Variants in MYOF observed in about 807,000 individuals in gnomAD.
MYOF encodes fer-1-like 3, myoferlin.
MYOF carries 244 observed loss-of-function variants against 284.2 expected under a neutral mutation model. The ratio of observed to expected loss-of-function variants is 0.86; its 90% CI spans 0.77 to 0.95. The LOEUF (loss-of-function observed/expected upper bound fraction) is 0.95. MYOF is among the 40% of genes least tolerant of loss of function. MYOF has a pLI of 0.00. For synonymous variants in MYOF, 904 were observed against 919.7 expected, an observed-to-expected ratio of 0.98 and a Z score of 0.31; for missense variants, 2,496 against 2,560.6, an observed-to-expected ratio of 0.97 and a Z score of 0.54.
At position 93,408,913 on chromosome 10, in the gene MYOF, G is replaced by T. The variant is rs773318160; in HGVS notation, c.603C>A (p.Ile201=). 6.2e-7 allele frequency: 1 copy of T among 1,614,184 alleles called. No individual in the cohort carries two copies. Among genetic ancestry groups the T allele is most frequent in the Non-Finnish European group, 8.5e-7 (1 of 1,180,024 alleles). ...MLSNKPQDFQ[I]RVRVIEGRQL... is the part of the protein sequence containing the mutation. ...GTCGGCCCTCAATCACTCGGACGCG[G>T]ATCTGCAGCACAGAAGGGGGATGGT... The change falls in exon 7 of 54, where the codon ATC becomes ATA. Residue 201 remains isoleucine (I), a splice_region_variant and synonymous_variant. Coordinates refer to ENST00000359263, the MANE Select transcript of MYOF (RefSeq NM_013451.4).
intron 50 of MYOF, among the ~76,000 whole-genome samples, chr10:93,315,070 A>C (rs1354882679): frequency 6.6e-6 from 1 of 152,196 alleles, no homozygotes; most frequent in Admixed American, 6.5e-5. Context: ...AGCCAAGGGC[A>C]AACCCTTTAT....
chr10:93,327,005 C>T (rs1370898328), intron 45 of MYOF, among the ~76,000 whole-genome samples: 5 of 152,024 alleles, frequency 3.3e-5, no homozygotes, highest in African/African-American at 4.8e-5. Context: ...GTGTCATTTC[C>T]CTTTGAATCT....
In MYOF at chr10:93,396,134, T is replaced by C; in HGVS notation, c.1417+8A>G. On this transcript the variant is annotated splice_region_variant and intron_variant, in intron 16 of 53. Transcript: ENST00000359263. ...CCAGTCTTGTTCTAGATCTGTTGAG[T>C]GACTTACCTTCCACTTCCCCACCAG... is the stretch of plus-strand genomic sequence containing the variant. The C allele has an allele frequency of 1.3e-6, 2 of 1,599,050 alleles. No individual in the cohort carries two copies. Among genetic ancestry groups the C allele is most frequent in the African/African-American group, 1.3e-5 (1 of 74,504 alleles).
intron 48 of MYOF, among the ~76,000 whole-genome samples, chr10:93,322,190 A>T (rs1286306069): frequency 2.0e-5 from 3 of 152,248 alleles, no homozygotes; most frequent in Admixed American, 6.5e-5. Context: ...ATTGAAGGCC[A>T]CATGGGATTA....
intron 39 of MYOF, 103 bp downstream of exon 39, chr10:93,340,050 A>C (rs1207361642): frequency 3.8e-6 from 5 of 1,307,334 alleles, no homozygotes; most frequent in African/African-American, 1.5e-5. Context: ...ACTGCACTCC[A>C]GCCTGGGTGA....
In MYOF at chr10:93,320,027, G is replaced by A. The variant is rs1454162383; in HGVS notation, c.5457-14C>T. ...CCAGGAATCCAGCTGAAAGGCAGAG[G>A]CAAACAGACTTAGCTTCACGTGATT... On this transcript the variant is annotated splice_polypyrimidine_tract_variant and intron_variant, in intron 48 of 53. Coordinates refer to ENST00000359263, the MANE Select transcript of MYOF (RefSeq NM_013451.4). The A allele has an allele frequency of 6.2e-7, 1 of 1,613,858 alleles. No individual in the cohort carries two copies. Among genetic ancestry groups the A allele is most frequent in the Non-Finnish European group, 8.5e-7 (1 of 1,179,882 alleles).
At chr10:93,377,282 G>T in intron 22 of MYOF, 41 bp downstream of exon 22, 1 of 1,332,262 alleles carries the variant, frequency 7.5e-7, no homozygotes, top group Non-Finnish European at 1.1e-6. Context: ...AGGGAGGAGC[G>T]CCTGGATGAA....
intron 3 of MYOF, 113 bp from the exon 4 acceptor site, chr10:93,431,629 A>T: frequency 1.3e-6 from 1 of 768,384 alleles, no homozygotes; most frequent in Non-Finnish European, 2.1e-6. Context: ...AGTCACTATA[A>T]TGAGATGTGG....
chr10:93,322,957 T>G, intron 48 of MYOF, 121 bp downstream of exon 48: 1 of 962,634 alleles, frequency 1.0e-6, no homozygotes, highest in Non-Finnish European at 1.7e-6. Flanking sequence ...ATCACATTAA[T>G]GAGATAAAAT....
chr10:93,476,001 G>A (rs1008685429), intron 1 of MYOF, among the ~76,000 whole-genome samples: 4 of 152,202 alleles, frequency 2.6e-5, no homozygotes, highest in African/African-American at 9.6e-5. Flanking sequence ...TCTCCAGAAA[G>A]GGATGGGAAT....
intron 1 of MYOF, among the ~76,000 whole-genome samples, chr10:93,476,515 A>T (rs557689428): frequency 6.6e-6 from 1 of 152,138 alleles, no homozygotes; most frequent in African/African-American, 2.4e-5. Context: ...AGCTTATTTT[A>T]AAAATGCTTT....
chr10:93,466,267 G>C (rs1461339219), intron 1 of MYOF, among the ~76,000 whole-genome samples: 1 of 152,166 alleles, frequency 6.6e-6, no homozygotes, highest in East Asian at 1.9e-4. Context: ...CAGGTTCTAG[G>C]AGAAAGGCAT....
At chr10:93,392,501 T>C in intron 17 of MYOF, among the ~76,000 whole-genome samples, 1 of 152,144 alleles carries the variant, frequency 6.6e-6, no homozygotes, top group Non-Finnish European at 1.5e-5. Flanking sequence ...ATCTTCAGGG[T>C]GCAAAGTAAA....
chr10:93,399,029 T>TGGGG lies in MYOF; in HGVS notation c.1221+359_1221+362dup, dbSNP rs67935510. 6.6e-5 allele frequency among the ~76,000 whole-genome samples: 10 copies of TGGGG among 150,772 alleles called. No homozygotes were observed. In the South Asian group the frequency reaches 8.4e-4, roughly 13 times the overall value. ...ATGACAGGAAGGGGCAACAGGGCAC[T>TGGGG]GGGGGGGGGTCTCTGTCCTACAACA... is the stretch of plus-strand genomic sequence containing the variant. On this transcript the variant is annotated intron_variant, in intron 13 of 53. Coordinates refer to ENST00000359263, the MANE Select transcript of MYOF (RefSeq NM_013451.4).
intron 3 of MYOF, among the ~76,000 whole-genome samples, chr10:93,446,002 A>T (rs1011798252): frequency 6.9e-6 from 1 of 144,862 alleles, no homozygotes; most frequent in Non-Finnish European, 1.5e-5. Flanking sequence ...GTTTATTCCC[A>T]GATGGTTAAA....
Position 93,397,445 on chromosome 10 carries a change from G to T in MYOF, c.1233C>A (p.Asn411Lys). Residue 411 changes from asparagine to lysine, a missense_variant, in exon 14 of 54, where the codon AAC becomes AAA. Asn to Lys is a moderately conservative substitution (Grantham distance 94). This residue lies in a region of MYOF where 2,436 missense variants were observed against 2,480.7 expected (regional missense o/e 0.98). Coordinates refer to ENST00000359263, the MANE Select transcript of MYOF (RefSeq NM_013451.4). The stretch of plus-strand genomic sequence containing the variant: ...CTGGGTTTGCATTTTTCTCAATTAT[G>T]TTTGTACAAACCTGTAAAATCACCA... ...VSFAGKKVCT[N>K]IIEKNANPEW... 1 of 1,609,492 alleles carries T rather than the reference G, an allele frequency of 6.2e-7. No homozygotes were observed. Among genetic ancestry groups the T allele is most frequent in the East Asian group, 2.2e-5 (1 of 44,746 alleles).
At chr10:93,343,708 CTCT>C in intron 38 of MYOF, 145 bp downstream of exon 38, 4 of 761,324 alleles carry the variant, frequency 5.3e-6, no homozygotes, top group South Asian at 1.7e-5. Context: ...AAGATTTAGA[CTCT>C]TGTCTGTACT....
rs200304153 is a variant in MYOF, at chr10:93,431,502, G to A, written c.251C>T (p.Ala84Val). The A allele has an allele frequency of 4.1e-5, 66 of 1,613,556 alleles. 2 individuals carry two copies. Among genetic ancestry groups the A allele is most frequent in the South Asian group, 3.6e-4 (33 of 91,068 alleles). ...AGTCAGGTCCTTCAGGGCTACAGTC[G>A]CCGTGCCAATTAATCTGCAGGGAAA... is the stretch of plus-strand genomic sequence containing the variant. ...TIGQNKLIGT[A>V]TVALKDLTGD... is the part of the protein sequence containing the mutation. Residue 84 changes from alanine to valine, a missense_variant, in exon 4 of 54, where the codon GCG (alanine) becomes GTG (valine). Coordinates refer to ENST00000359263, the MANE Select transcript of MYOF (RefSeq NM_013451.4).
chr10:93,371,695 A>G (rs1173390980), intron 24 of MYOF, among the ~76,000 whole-genome samples: 1 of 151,972 alleles, frequency 6.6e-6, no homozygotes, highest in East Asian at 1.9e-4. Context: ...ATTCATAGGT[A>G]TAACCCACAT....
Sources: gnomAD v4.1 joint callset for allele counts (sites outside exome capture counted in the v4.1 genomes callset) on GRCh38, gnomAD v4.1.1 for gene constraint, gnomAD v4.1.1 regional missense constraint, MANE v1.5 for transcripts, NCBI Gene and HGNC (gene_info 2026-07-23, HGNC 2026-07-21) for gene names.